BRICD5: variants seen among roughly 807,000 people sequenced by gnomAD.
BRICD5 encodes the protein BRICHOS domain containing 5.
Under a neutral mutation model 28.4 loss-of-function variants are expected in BRICD5, and 51 were observed. The ratio of observed to expected loss-of-function variants is 1.80; its 90% CI spans 1.43 to 2.27. The LOEUF (loss-of-function observed/expected upper bound fraction) is 2.27. Ranked by LOEUF, BRICD5 falls within the 30% of genes most tolerant of loss-of-function variation. BRICD5 has a pLI of 0.00. For missense variants in BRICD5, 456 were observed against 309.6 expected (o/e 1.47, Z -3.55); for synonymous variants, 177 against 130.2 (o/e 1.36, Z -2.44).
Position 2,210,041 on chromosome 16 carries a change from C to T in BRICD5, c.347G>A (p.Cys116Tyr), listed in dbSNP as rs751806135. ...VLFDGQSGCI[C>Y]YRPEEHQVCF... is the part of the protein sequence containing the mutation. Reference sequence around the variant, plus strand: ...GACCTGGTGCTCCTCAGGGCGGTAACAGATGCAGCCCTGGGGAGGCAGGGG... The same window carrying T: ...GACCTGGTGCTCCTCAGGGCGGTAATAGATGCAGCCCTGGGGAGGCAGGGG... Residue 116 changes from cysteine (C) to tyrosine (Y), a missense_variant, in exon 4 of 6, where the codon TGT (cysteine) becomes TAT (tyrosine). Physicochemically the swap from Cys to Tyr is radical, Grantham distance 194. Coordinates refer to ENST00000328540, the MANE Select transcript of BRICD5 (RefSeq NM_182563.4). 1.3e-6 allele frequency: 2 copies of T among 1,594,346 alleles called. No individual in the cohort carries two copies. Among genetic ancestry groups the T allele is most frequent in the Non-Finnish European group, 1.7e-6 (2 of 1,168,250 alleles).
chr16:2,210,359 T>C, intron 2 of BRICD5, 78 bp from the exon 3 acceptor site: 4 of 1,525,226 alleles, frequency 2.6e-6, no homozygotes, highest in Middle Eastern at 4.1e-4. Flanking sequence ...GCAGGACTCC[T>C]GACACCCCTG....
Position 2,209,392 on chromosome 16 carries a change from C to T in BRICD5, c.657G>A (p.Val219=). The T allele has an allele frequency of 2.5e-6, 4 of 1,613,710 alleles. No individual in the cohort carries two copies. The highest frequency in any genetic ancestry group is 2.7e-5 in the African/African-American group (2 of 75,042). ...IDICFPSNIC[V]SVCFYYLPD ...CTGGGAGGTAATAAAAGCAGACCGACACGCAGATGTTGCTCGGGAAGCAGA... is the reference window on the plus strand; with the variant it reads ...CTGGGAGGTAATAAAAGCAGACCGATACGCAGATGTTGCTCGGGAAGCAGA... Residue 219 remains valine (V), a synonymous_variant, in exon 6 of 6, where the codon GTG becomes GTA. Coordinates refer to ENST00000328540, the MANE Select transcript of BRICD5 (RefSeq NM_182563.4).
At chr16:2,210,696 G>T in intron 1 of BRICD5, 46 bp from the exon 2 acceptor site, 1 of 1,610,500 alleles carries the variant, frequency 6.2e-7, no homozygotes. Flanking sequence ...TTAGACATCA[G>T]GGAGCAAGTG....
At position 2,210,510 on chromosome 16, in the gene BRICD5, G is replaced by T; in HGVS notation, c.180+12C>A. ...CCACTGTCCATGTCCCTGGTGCTGA[G>T]GAGGGGCTCACCTTGGGAGGGCCCT... On this transcript the variant is annotated intron_variant, in intron 2 of 5. Coordinates refer to ENST00000328540, the MANE Select transcript of BRICD5 (RefSeq NM_182563.4). The T allele has an allele frequency of 6.3e-7, 1 of 1,597,344 alleles. No homozygotes were observed. Among genetic ancestry groups the T allele is most frequent in the Non-Finnish European group, 8.5e-7 (1 of 1,171,010 alleles).
Position 2,210,782 on chromosome 16 carries a change from C to A in BRICD5, c.51+1G>T, listed in dbSNP as rs1473001793. On this transcript the variant is annotated splice_donor_variant, in intron 1 of 5. Coordinates refer to ENST00000328540, the MANE Select transcript of BRICD5 (RefSeq NM_182563.4). LOFTEE classifies it high-confidence loss of function. ...CTGCAGGAGTAACGGGAGGCACTCACCCCTGTAGGCCCAGGTTTGGGGCGC... is the reference window on the plus strand; with the variant it reads ...CTGCAGGAGTAACGGGAGGCACTCAACCCTGTAGGCCCAGGTTTGGGGCGC... 1.2e-6 allele frequency: 2 copies of A among 1,606,498 alleles called. No homozygotes were observed. Among genetic ancestry groups the A allele is most frequent in the South Asian group, 1.1e-5 (1 of 91,090 alleles).
chr16:2,210,236 G>C lies in BRICD5; in HGVS notation c.226C>G (p.Pro76Ala). 1 of 1,561,570 alleles carries C rather than the reference G, an allele frequency of 6.4e-7. No individual in the cohort carries two copies. The highest frequency in any genetic ancestry group is 8.6e-7 in the Non-Finnish European group (1 of 1,156,164). ...LRMTLPSPHM[P>A]RPNQTILVDV... ...ACCAGGATGGTTTGGTTGGGCCGGG[G>C]CATGTGGGGGCTCGGGAGGGTCATT... The change falls in exon 3 of 6, where the codon CCC becomes GCC. Residue 76 changes from proline to alanine, a missense_variant. Physicochemically the swap from Pro to Ala is conservative, Grantham distance 27. Coordinates refer to ENST00000328540, the MANE Select transcript of BRICD5 (RefSeq NM_182563.4).
chr16:2,210,711 G>A (rs530375997), intron 1 of BRICD5, 61 bp from the exon 2 acceptor site: 2 of 1,609,708 alleles, frequency 1.2e-6, no homozygotes, highest in Admixed American at 3.3e-5. Flanking sequence ...CAAGTGGGCT[G>A]GGGAAGGGAG....
At chr16:2,210,714 G>A (rs941473417) in intron 1 of BRICD5, 64 bp from the exon 2 acceptor site, 1 of 1,610,072 alleles carries the variant, frequency 6.2e-7, no homozygotes, top group African/African-American at 1.3e-5. Flanking sequence ...GTGGGCTGGG[G>A]AAGGGAGGGG....
At position 2,209,256 on chromosome 16, in the gene BRICD5, A is replaced by T; in HGVS notation, c.*106T>A. The T allele has an allele frequency of 9.5e-7, 1 of 1,049,628 alleles. No individual in the cohort carries two copies. Among genetic ancestry groups the T allele is most frequent in the African/African-American group, 1.6e-5 (1 of 63,300 alleles). The allele number at this position is 1,049,628 out of a possible 1,614,324, so 65.0% of individuals were successfully genotyped here. A position where few individuals can be genotyped will look rare whatever the true frequency, so the allele number is the denominator to read the frequency against. On this transcript the variant is annotated 3_prime_UTR_variant, in exon 6 of 6. Transcript: ENST00000328540. ...CATAGAGAACACCACCACCATGGCC[A>T]GGTGGAAGGGTTTATTAGTCCCTGC...
In BRICD5 at chr16:2,210,071, A is replaced by G; in HGVS notation, c.337-20T>C. The G allele has an allele frequency of 1.2e-6, 2 of 1,600,806 alleles. No individual in the cohort carries two copies. Among genetic ancestry groups the G allele is most frequent in the South Asian group, 2.2e-5 (2 of 89,768 alleles). On this transcript the variant is annotated intron_variant, in intron 3 of 5. Coordinates refer to ENST00000328540, the MANE Select transcript of BRICD5 (RefSeq NM_182563.4). ...GCAGCCCTGGGGAGGCAGGGGGGTG[A>G]GGCGGGGCCCCCCAGACCGACACCT...
rs2093366476 is a variant in BRICD5, at chr16:2,210,042, A to G, written c.346T>C (p.Cys116Arg). The change falls in exon 4 of 6, where the codon TGT (cysteine) becomes CGT (arginine). Residue 116 changes from cysteine (C) to arginine (R), a missense_variant. Physicochemically the swap from Cys to Arg is radical, Grantham distance 180. Transcript: ENST00000328540. ...ACCTGGTGCTCCTCAGGGCGGTAACAGATGCAGCCCTGGGGAGGCAGGGGG... is the reference window on the plus strand; with the variant it reads ...ACCTGGTGCTCCTCAGGGCGGTAACGGATGCAGCCCTGGGGAGGCAGGGGG... ...VLFDGQSGCICYRPEEHQVCF... is the reference protein window; with the variant it reads ...VLFDGQSGCIRYRPEEHQVCF... The G allele has an allele frequency of 6.3e-7, 1 of 1,594,822 alleles. No individual in the cohort carries two copies. The highest frequency in any genetic ancestry group is 8.6e-7 in the Non-Finnish European group (1 of 1,168,250).
chr16:2,210,129 C>T lies in BRICD5; in HGVS notation c.333G>A (p.Gln111=). ...TGACCCCTCCCTGCCCACTCACGCTCTGCCCGTCGAACAGCACCGCCCAGC... is the reference window on the plus strand; with the variant it reads ...TGACCCCTCCCTGCCCACTCACGCTTTGCCCGTCGAACAGCACCGCCCAGC... ...NHSWAVLFDG[Q]SGCICYRPEE... is the part of the protein sequence containing the mutation. The change falls in exon 3 of 6, where the codon CAG becomes CAA. Residue 111 remains glutamine, a synonymous_variant. Coordinates refer to ENST00000328540, the MANE Select transcript of BRICD5 (RefSeq NM_182563.4). 1.2e-6 allele frequency: 2 copies of T among 1,608,926 alleles called. No individual in the cohort carries two copies. The highest frequency in any genetic ancestry group is 8.5e-7 in the Non-Finnish European group (1 of 1,178,608).
chr16:2,209,397 A>G lies in BRICD5; in HGVS notation c.652T>C (p.Cys218Arg). ...AGGTAATAAAAGCAGACCGACACGC[A>G]GATGTTGCTCGGGAAGCAGATGTCG... Reference protein sequence around the residue: ...CIDICFPSNICVSVCFYYLPD With the variant: ...CIDICFPSNIRVSVCFYYLPD The change falls in exon 6 of 6, where the codon TGC becomes CGC. Residue 218 changes from cysteine (C) to arginine (R), a missense_variant. Physicochemically the swap from Cys to Arg is radical, Grantham distance 180. Transcript: ENST00000328540. 6.2e-7 allele frequency: 1 copy of G among 1,613,792 alleles called. No homozygotes were observed. Among genetic ancestry groups the G allele is most frequent in the Non-Finnish European group, 8.5e-7 (1 of 1,179,946 alleles).
rs899171923 is a variant in BRICD5, at chr16:2,210,063, G to C, written c.337-12C>G. 1.9e-6 allele frequency: 3 copies of C among 1,599,204 alleles called. No individual in the cohort carries two copies. Among genetic ancestry groups the C allele is most frequent in the Non-Finnish European group, 1.7e-6 (2 of 1,172,872 alleles). Reference sequence around the variant, plus strand: ...TAACAGATGCAGCCCTGGGGAGGCAGGGGGGTGAGGCGGGGCCCCCCAGAC... The same window carrying C: ...TAACAGATGCAGCCCTGGGGAGGCACGGGGGTGAGGCGGGGCCCCCCAGAC... On this transcript the variant is annotated splice_polypyrimidine_tract_variant and intron_variant, in intron 3 of 5. Transcript: ENST00000328540.
chr16:2,209,477 A>T, intron 5 of BRICD5, 21 bp from the exon 6 acceptor site: 3 of 1,613,308 alleles, frequency 1.9e-6, no homozygotes, highest in Non-Finnish European at 2.5e-6. Context: ...GGTGCCGTGA[A>T]TCTCCAAGGG....
In BRICD5 at chr16:2,210,793, C is replaced by A. The variant is rs764632788; in HGVS notation, c.41G>T (p.Gly14Val). Residue 14 changes from glycine (G) to valine (V), a missense_variant, in exon 1 of 6, where the codon GGG (glycine) becomes GTG (valine). Transcript: ENST00000328540. ...ASCCAERPKPGPTGVKTKPSC... is the reference protein window; with the variant it reads ...ASCCAERPKPVPTGVKTKPSC... ...ACGGGAGGCACTCACCCCTGTAGGC[C>A]CAGGTTTGGGGCGCTCAGCACAGCA... 5 of 1,606,040 alleles carry A rather than the reference C, an allele frequency of 3.1e-6. No individual in the cohort carries two copies. Among genetic ancestry groups the A allele is most frequent in the Non-Finnish European group, 4.2e-6 (5 of 1,179,938 alleles).
chr16:2,210,194 CGT>C lies in BRICD5; in HGVS notation c.266_267del (p.Asn89SerfsTer31). ...NQTILVDVAR[N>X]AATITVTPPQ... is the part of the protein sequence containing the mutation. ...GGTGGGGTCACTGTGATGGTCGCCG[CGT>C]TCCGGGCCACGTCCACCAGGATGGT... On this transcript the variant is annotated frameshift_variant, in exon 3 of 6. Coordinates refer to ENST00000328540, the MANE Select transcript of BRICD5 (RefSeq NM_182563.4). LOFTEE classifies it high-confidence loss of function. The C allele has an allele frequency of 1.9e-6, 3 of 1,598,364 alleles. No homozygotes were observed. The highest frequency in any genetic ancestry group is 2.6e-6 in the Non-Finnish European group (3 of 1,174,320).
chr16:2,209,644 C>G lies in BRICD5; in HGVS notation c.501G>C (p.Gln167His). 2 of 1,613,414 alleles carry G rather than the reference C, an allele frequency of 1.2e-6. No homozygotes were observed. The highest frequency in any genetic ancestry group is 1.7e-6 in the Non-Finnish European group (2 of 1,179,886). Residue 167 changes from glutamine (Q) to histidine (H), a missense_variant, in exon 5 of 6, where the codon CAG (glutamine) becomes CAC (histidine). Coordinates refer to ENST00000328540, the MANE Select transcript of BRICD5 (RefSeq NM_182563.4). ...GGGCGGGGTCCACTTCGAGGCTCCC[C>G]TGCACTGCCAGCAGCTCCTGGGTGT... ...THHTQELLAV[Q>H]GSLEVDPAQA...
chr16:2,210,469 C>T lies in BRICD5; in HGVS notation c.180+53G>A, dbSNP rs1028295988. ...TCTGCTGGAGGCTGGGATATGCCAG[C>T]TTCCCTTCTCCCTTTCCACTGTCCA... On this transcript the variant is annotated intron_variant, in intron 2 of 5. Coordinates refer to ENST00000328540, the MANE Select transcript of BRICD5 (RefSeq NM_182563.4). The T allele has an allele frequency of 3.2e-6, 5 of 1,552,108 alleles. No homozygotes were observed. The African/African-American group carries it at 5.5e-5, about 17-fold the overall frequency.
Sources: gnomAD v4.1 joint callset for allele counts on GRCh38, gnomAD v4.1.1 for gene constraint, MANE v1.5 for transcripts, NCBI Gene and HGNC (gene_info 2026-07-23, HGNC 2026-07-21) for gene names.